The following SPACA7 variants were observed in gnomAD, a reference collection of about 807,000 sequenced individuals.
SPACA7 encodes the protein sperm acrosome associated 7.
Under a neutral mutation model 26.3 loss-of-function variants are expected in SPACA7, and 19 were observed. The observed-to-expected ratio is 0.72, with a 90% confidence interval of 0.50 to 1.06. The LOEUF (loss-of-function observed/expected upper bound fraction) is 1.06. Ranked by LOEUF, SPACA7 falls within the 50% of genes least tolerant of loss-of-function variation. SPACA7 has a pLI of 0.00. For missense variants in SPACA7, 211 were observed against 229.9 expected (o/e 0.92, Z 0.53); for synonymous variants, 84 against 84.5 (o/e 0.99, Z 0.04).
chr13:112,424,395 C>T (rs1479257142), intron 5 of SPACA7, among the ~76,000 whole-genome samples: 4 of 152,138 alleles, frequency 2.6e-5, no homozygotes, highest in Non-Finnish European at 2.9e-5. Context: ...CTTCAGGATG[C>T]GTCAGGAATG....
At chr13:112,399,036 C>T in intron 3 of SPACA7, 30 bp from the exon 4 acceptor site, 2 of 1,403,870 alleles carry the variant, frequency 1.4e-6, no homozygotes, top group East Asian at 2.3e-5. Context: ...GAAAACTTTT[C>T]CCCATTTTTT....
intron 1 of SPACA7, among the ~76,000 whole-genome samples, chr13:112,380,140 C>T (rs138730207): frequency 2.6e-5 from 4 of 152,100 alleles, no homozygotes; most frequent in Non-Finnish European, 5.9e-5. Flanking sequence ...CCAGGCCTGG[C>T]GTGGTGGCTC....
chr13:112,392,028 T>A (rs1400679017), intron 1 of SPACA7, among the ~76,000 whole-genome samples: 3 of 152,174 alleles, frequency 2.0e-5, no homozygotes, highest in African/African-American at 7.2e-5. Context: ...GGTTTAGTGT[T>A]GGAACTTCAG....
intron 5 of SPACA7, among the ~76,000 whole-genome samples, chr13:112,430,549 A>T (rs760268215): frequency 2.0e-5 from 3 of 152,284 alleles, no homozygotes; most frequent in Middle Eastern, 3.4e-3. Context: ...TCCATTGAGA[A>T]TCCTGGAACT....
intron 1 of SPACA7, among the ~76,000 whole-genome samples, chr13:112,389,805 G>A (rs1208966539): frequency 6.6e-6 from 1 of 152,190 alleles, no homozygotes; most frequent in Non-Finnish European, 1.5e-5. Flanking sequence ...ATTTTTATCT[G>A]AATTATGTTT....
chr13:112,434,513 G>A lies in SPACA7; in HGVS notation c.552G>A (p.Arg184=), dbSNP rs1461580169. 1.9e-6 allele frequency: 3 copies of A among 1,610,762 alleles called. No individual in the cohort carries two copies. The highest frequency in any genetic ancestry group is 1.7e-4 in the Middle Eastern group (1 of 5,796). The change falls in exon 7 of 7, where the codon AGG becomes AGA. Residue 184 remains arginine (R), a synonymous_variant. Transcript: ENST00000283550. ...SGNIFHKEQQ[R]TSAQRRSQGS... ...ACATTTTCCATAAAGAGCAGCAGAG[G>A]ACCAGCGCACAGAGGAGGAGCCAAG... is the stretch of plus-strand genomic sequence containing the variant.
In SPACA7 at chr13:112,377,780, T is replaced by C. The variant is rs532003113; in HGVS notation, c.94+1301T>C. Among the ~76,000 whole-genome samples the C allele has an allele frequency of 2.6e-4, 40 of 152,344 alleles. No individual in the cohort carries two copies. In the South Asian group the frequency reaches 8.3e-3, roughly 32 times the overall value. ...CAAGAAAGAAGAGACATTCCTTTTC[T>C]CTTTGAACAAGATAAGTCCATGTTT... is the stretch of plus-strand genomic sequence containing the variant. On this transcript the variant is annotated intron_variant, in intron 1 of 6. Transcript: ENST00000283550.
intron 1 of SPACA7, among the ~76,000 whole-genome samples, chr13:112,391,599 T>C (rs1161074526): frequency 6.6e-6 from 1 of 152,194 alleles, no homozygotes; most frequent in East Asian, 1.9e-4. Flanking sequence ...ACCGTGAGGC[T>C]GAAGTCAGAG....
chr13:112,405,977 G>A (rs1159449935), intron 5 of SPACA7, among the ~76,000 whole-genome samples: 1 of 152,060 alleles, frequency 6.6e-6, no homozygotes, highest in Non-Finnish European at 1.5e-5. Context: ...CTATCTCTCT[G>A]CTTTCATATT....
intron 5 of SPACA7, among the ~76,000 whole-genome samples, chr13:112,405,567 T>TA (rs1420495145): frequency 2.0e-5 from 3 of 152,190 alleles, no homozygotes; most frequent in Non-Finnish European, 2.9e-5. Flanking sequence ...CAAAATTTGC[T>TA]CATGGTTTCA....
At chr13:112,382,525 G>T in intron 1 of SPACA7, 2 of 1,549,040 alleles carry the variant, frequency 1.3e-6, no homozygotes, top group Non-Finnish European at 1.7e-6. Context: ...CAGTGGAACC[G>T]TTTTGCAACT....
intron 1 of SPACA7, among the ~76,000 whole-genome samples, chr13:112,391,962 C>T (rs1425603993): frequency 6.6e-6 from 1 of 152,090 alleles, no homozygotes; most frequent in Non-Finnish European, 1.5e-5. Context: ...GCAGACGAGT[C>T]GATTGGTATG....
At chr13:112,415,105 G>A (rs1459072606) in intron 5 of SPACA7, among the ~76,000 whole-genome samples, 1 of 152,180 alleles carries the variant, frequency 6.6e-6, no homozygotes, top group African/African-American at 2.4e-5. Flanking sequence ...ATGCAGTTGG[G>A]GAAAATCAGG....
intron 1 of SPACA7, among the ~76,000 whole-genome samples, chr13:112,383,537 T>A (rs1249144807): frequency 6.6e-6 from 1 of 152,240 alleles, no homozygotes; most frequent in Non-Finnish European, 1.5e-5. Flanking sequence ...CTTTGTTCCA[T>A]GAAGAATTTT....
chr13:112,427,310 G>A (rs151020884), intron 5 of SPACA7, among the ~76,000 whole-genome samples: 105 of 152,306 alleles, frequency 6.9e-4, no homozygotes, highest in Middle Eastern at 3.4e-3. Context: ...TGCGTCCACA[G>A]TTGACCATTA....
At chr13:112,378,553 C>A (rs1402460261) in intron 1 of SPACA7, 2 of 371,742 alleles carry the variant, frequency 5.4e-6, no homozygotes, top group Admixed American at 3.7e-5. Context: ...TTTTTAAAAG[C>A]TTTTTGAGGC....
chr13:112,423,073 TA>T (rs1267755543), intron 5 of SPACA7, among the ~76,000 whole-genome samples: 1 of 152,176 alleles, frequency 6.6e-6, no homozygotes, highest in Non-Finnish European at 1.5e-5. Flanking sequence ...ATACCTCTAC[TA>T]AAAACAGAAT....
At chr13:112,390,138 T>C (rs1227145348) in intron 1 of SPACA7, among the ~76,000 whole-genome samples, 1 of 143,626 alleles carries the variant, frequency 7.0e-6, no homozygotes, top group African/African-American at 2.7e-5. Flanking sequence ...GTAATGGGGG[T>C]GGGGGGAGGA....
Position 112,434,608 on chromosome 13 carries a change from G to C in SPACA7, c.*59G>C. 7.0e-7 allele frequency: 1 copy of C among 1,419,388 alleles called. No individual in the cohort carries two copies. The highest frequency in any genetic ancestry group is 9.8e-7 in the Non-Finnish European group (1 of 1,025,528). The allele number at this position is 1,419,388 out of a possible 1,614,324, so 87.9% of individuals were successfully genotyped here. A position where few individuals can be genotyped will look rare whatever the true frequency, so the allele number is the denominator to read the frequency against. On this transcript the variant is annotated 3_prime_UTR_variant, in exon 7 of 7. Coordinates refer to ENST00000283550, the MANE Select transcript of SPACA7 (RefSeq NM_145248.5). ...AGCCTGCTAGAACCCCCACCCACCAGCCTCCGGAACAGGGCACTTGTGTGC... is the reference window on the plus strand; with the variant it reads ...AGCCTGCTAGAACCCCCACCCACCACCCTCCGGAACAGGGCACTTGTGTGC...
Sources: allele counts gnomAD v4.1 joint callset (sites outside exome capture counted in the v4.1 genomes callset), GRCh38; gene constraint gnomAD v4.1.1; transcripts MANE v1.5; gene names NCBI Gene and HGNC (gene_info 2026-07-23, HGNC 2026-07-21).